Variants in ABLIM1 observed in about 807,000 individuals in gnomAD.
ABLIM1 encodes actin-binding LIM protein 1.
A neutral mutation model predicts 107.0 loss-of-function variants in ABLIM1; 40 were observed. That is an observed-to-expected ratio of 0.37 (90% CI 0.29 to 0.49). The LOEUF is 0.49. ABLIM1 is among the 20% of genes least tolerant of loss of function. ABLIM1 has a pLI of 0.97. For synonymous variants in ABLIM1, 357 were observed against 357.3 expected, an observed-to-expected ratio of 1.00 and a Z score of 0.01; for missense variants, 857 against 1,008.5, an observed-to-expected ratio of 0.85 and a Z score of 2.04.
chr10:114,491,012 G>GTGTGTGTGTGTGTATGTATATATATA, intron 7 of ABLIM1, among the ~76,000 whole-genome samples: 50 of 92,384 alleles, frequency 5.4e-4, no homozygotes, highest in African/African-American at 2.1e-3. Flanking sequence ...GTGTGTGTGT[G>GTGTGTGTGTGTGTATGTATATATATA]TATATATATA....
chr10:114,747,698 A>G (rs1223147833), intron 1 of ABLIM1, among the ~76,000 whole-genome samples: 1 of 152,220 alleles, frequency 6.6e-6, no homozygotes. Context: ...TGCTTTCTTT[A>G]TATGTCCTCA....
At chr10:114,547,032 T>A (rs1323705298) in intron 5 of ABLIM1, among the ~76,000 whole-genome samples, 1 of 151,986 alleles carries the variant, frequency 6.6e-6, no homozygotes, top group Non-Finnish European at 1.5e-5. Context: ...ACTCAAGTGA[T>A]CCTCCCACCT....
intron 4 of ABLIM1, among the ~76,000 whole-genome samples, chr10:114,550,202 A>G (rs1454963028): frequency 1.3e-5 from 2 of 152,214 alleles, no homozygotes; most frequent in Non-Finnish European, 2.9e-5. Context: ...TAAAAGATTA[A>G]GCATTTTTTT....
In ABLIM1 at chr10:114,450,420, C is replaced by CTTCT. The variant is rs200248189; in HGVS notation, c.1594+1200_1594+1203dup. On this transcript the variant is annotated intron_variant, in intron 14 of 22. Coordinates refer to ENST00000533213, the MANE Select transcript of ABLIM1 (RefSeq NM_002313.7). ...TTTTGATTTTCACATCGTCCTAATT[C>CTTCT]TTCTTTCTTTCTTTCTTTTTTTTTT... Among the ~76,000 whole-genome samples the CTTCT allele has an allele frequency of 2.8e-4, 40 of 143,576 alleles. 1 individual carries two copies. The highest frequency in any genetic ancestry group is 8.2e-4 in the African/African-American group (31 of 37,808). 94.2% of individuals were successfully genotyped at this position (143,576 alleles called of 152,430 possible).
chr10:114,594,688 T>C (rs1804237954), intron 2 of ABLIM1, among the ~76,000 whole-genome samples: 1 of 152,196 alleles, frequency 6.6e-6, no homozygotes, highest in South Asian at 2.1e-4. Context: ...AGGTGGAGGT[T>C]GCAGTGAGCC....
At chr10:114,724,436 C>A (rs552947417) in intron 1 of ABLIM1, among the ~76,000 whole-genome samples, 2 of 152,066 alleles carry the variant, frequency 1.3e-5, no homozygotes. Context: ...TAGGTAAACT[C>A]GGCCTCTCCT....
chr10:114,755,924 T>A (rs563207914), intron 1 of ABLIM1, among the ~76,000 whole-genome samples: 1 of 152,226 alleles, frequency 6.6e-6, no homozygotes, highest in Non-Finnish European at 1.5e-5. Context: ...TTGTATCCTG[T>A]TTAGAAGGTC....
chr10:114,448,473 G>A (rs1266225340), intron 14 of ABLIM1, among the ~76,000 whole-genome samples: 2 of 152,124 alleles, frequency 1.3e-5, no homozygotes, highest in African/African-American at 4.8e-5. Context: ...AGAGTAATTA[G>A]TAATCTAAAA....
Position 114,437,907 on chromosome 10 carries a change from C to A in ABLIM1, c.2160G>T (p.Met720Ile), listed in dbSNP as rs1361382856. The change falls in exon 22 of 23, where the codon ATG becomes ATT. Residue 720 changes from methionine (M) to isoleucine (I), a missense_variant. This residue lies in a region of ABLIM1 where 193 missense variants were observed against 208.5 expected (regional missense o/e 0.93). Transcript: ENST00000533213. Reference protein sequence around the residue: ...MLEPKIFPYEMLMVTNRGRNK... With the variant: ...MLEPKIFPYEILMVTNRGRNK... Reference sequence around the variant, plus strand: ...TTCGCCCTCTGTTGGTCACCATGAGCATTTCATATGGAAATATCTGAGAAG... The same window carrying A: ...TTCGCCCTCTGTTGGTCACCATGAGAATTTCATATGGAAATATCTGAGAAG... 3.1e-6 allele frequency: 5 copies of A among 1,613,998 alleles called. No individual in the cohort carries two copies. Among genetic ancestry groups the A allele is most frequent in the South Asian group, 1.1e-5 (1 of 91,072 alleles).
intron 6 of ABLIM1, among the ~76,000 whole-genome samples, chr10:114,497,074 GAGA>G (rs2059760606): frequency 6.6e-6 from 1 of 151,848 alleles, no homozygotes; most frequent in African/African-American, 2.4e-5. Context: ...TTATTTTTAG[GAGA>G]AGGAGAAGTA....
intron 1 of ABLIM1, among the ~76,000 whole-genome samples, chr10:114,617,862 C>A (rs2077227035): frequency 6.6e-6 from 1 of 152,072 alleles, no homozygotes; most frequent in Non-Finnish European, 1.5e-5. Flanking sequence ...CATGTGTAAT[C>A]CCAGCTTTTG....
At chr10:114,618,774 C>T (rs2077286169) in intron 1 of ABLIM1, among the ~76,000 whole-genome samples, 1 of 152,184 alleles carries the variant, frequency 6.6e-6, no homozygotes, top group Non-Finnish European at 1.5e-5. Flanking sequence ...TGTTGACTGC[C>T]GACTCTCTGG....
At chr10:114,692,937 C>G (rs1040454698) in intron 1 of ABLIM1, among the ~76,000 whole-genome samples, 1 of 152,168 alleles carries the variant, frequency 6.6e-6, no homozygotes, top group Non-Finnish European at 1.5e-5. Context: ...ATAAATAAGT[C>G]AACACCAAGG....
intron 1 of ABLIM1, among the ~76,000 whole-genome samples, chr10:114,618,254 T>G (rs1382825652): frequency 6.6e-6 from 1 of 152,218 alleles, no homozygotes; most frequent in Non-Finnish European, 1.5e-5. Flanking sequence ...AGGAATAGAT[T>G]CCCTTTCTTG....
chr10:114,704,300 CTCTATATATATATATATATATA>C (rs1371621459), intron 1 of ABLIM1, among the ~76,000 whole-genome samples: 3 of 28,882 alleles, frequency 1.0e-4, no homozygotes, highest in Non-Finnish European at 1.5e-4. Context: ...CTCTCTCTCT[CTCTATATATATATATATATATA>C]TATATATATA....
chr10:114,600,203 G>A (rs1427450620), intron 2 of ABLIM1, among the ~76,000 whole-genome samples: 1 of 152,074 alleles, frequency 6.6e-6, no homozygotes, highest in Non-Finnish European at 1.5e-5. Flanking sequence ...GCCACACAAC[G>A]TGACAGCCCA....
At chr10:114,645,110 T>C (rs772576375) in intron 1 of ABLIM1, among the ~76,000 whole-genome samples, 2 of 152,320 alleles carry the variant, frequency 1.3e-5, no homozygotes, top group South Asian at 2.1e-4. Flanking sequence ...GTTGGGATCA[T>C]TTGCAATGGA....
chr10:114,460,430 G>A (rs1453008392), intron 12 of ABLIM1, among the ~76,000 whole-genome samples: 9 of 152,046 alleles, frequency 5.9e-5, no homozygotes, highest in Non-Finnish European at 8.8e-5. Context: ...GTGAAACCCC[G>A]TCTCTACTAA....
rs1009296254 is a variant in ABLIM1, at chr10:114,476,705, C to A, written c.1042-2749G>T. 4.1e-5 allele frequency among the ~76,000 whole-genome samples: 6 copies of A among 145,440 alleles called. No homozygotes were observed. In the South Asian group the frequency reaches 1.3e-3, roughly 31 times the overall value. ...AAAGTGCAATTTCTAGATCCATTTC[C>A]TAATCAAAATATAGAAGTGGCACAA... On this transcript the variant is annotated intron_variant, in intron 8 of 22. Coordinates refer to ENST00000533213, the MANE Select transcript of ABLIM1 (RefSeq NM_002313.7).
Sources: allele counts gnomAD v4.1 joint callset (sites outside exome capture counted in the v4.1 genomes callset), GRCh38; gene constraint gnomAD v4.1.1; regional missense constraint gnomAD v4.1.1; transcripts MANE v1.5; gene names NCBI Gene and HGNC (gene_info 2026-07-23, HGNC 2026-07-21).